The following RANBP2 variants were observed in gnomAD, a reference collection of about 807,000 sequenced individuals.
RANBP2 encodes RAN binding protein 2.
Under a neutral mutation model 303.6 loss-of-function variants are expected in RANBP2, and 57 were observed. The observed-to-expected ratio is 0.19, with a 90% CI of 0.15 to 0.23. The LOEUF (loss-of-function observed/expected upper bound fraction) is 0.23, where lower values mean the gene tolerates loss of function less well. RANBP2 is among the 10% of genes least tolerant of loss of function. The probability of loss-of-function intolerance (pLI) is 1.00; values close to 1 mark genes in which losing one functional copy is unlikely to be tolerated. For missense variants in RANBP2, 3,138 were observed against 3,780.8 expected (o/e 0.83, Z 4.46); for synonymous variants, 1,167 against 1,301.5 (o/e 0.90, Z 2.23).
At chr2:109,295,375 G>T in the RANBP2 span, among the ~76,000 whole-genome samples, 2 of 152,372 alleles carry the variant, frequency 1.3e-5, no homozygotes, top group South Asian at 4.1e-4. Context: ...GCACCAGCCA[G>T]GCTGTAACCC....
chr2:109,324,998 G>C, the RANBP2 span, among the ~76,000 whole-genome samples: 1 of 152,116 alleles, frequency 6.6e-6, no homozygotes, highest in African/African-American at 2.4e-5. Flanking sequence ...AGTTTGTTCT[G>C]GGAGAGGCCT....
the RANBP2 span, among the ~76,000 whole-genome samples, chr2:109,169,971 G>C: frequency 1.6e-4 from 24 of 152,100 alleles, 1 homozygote; most frequent in Admixed American, 8.5e-4. Flanking sequence ...TGTTTTACTT[G>C]ATAACAAAAG....
the RANBP2 span, among the ~76,000 whole-genome samples, chr2:109,570,774 G>A: frequency 6.6e-6 from 1 of 152,068 alleles, no homozygotes; most frequent in Non-Finnish European, 1.5e-5. Flanking sequence ...CACCTGCCTT[G>A]GCCTCTGAAA....
the RANBP2 span, among the ~76,000 whole-genome samples, chr2:109,268,742 T>TA: frequency 0.37 from 55,212 of 149,994 alleles, 10,111 homozygotes; most frequent in South Asian, 0.45. Context: ...TACTTTATTA[T>TA]AAAAAAAAAA....
the RANBP2 span, among the ~76,000 whole-genome samples, chr2:109,506,406 G>A: frequency 2.6e-5 from 4 of 152,210 alleles, no homozygotes; most frequent in African/African-American, 7.2e-5. Context: ...CAACACACAG[G>A]TGGCCATGGC....
the RANBP2 span, among the ~76,000 whole-genome samples, chr2:109,435,402 G>A: frequency 2.6e-5 from 4 of 152,252 alleles, no homozygotes; most frequent in African/African-American, 9.6e-5. Flanking sequence ...GCAGTGATTG[G>A]AGGGTAGGCG....
chr2:109,379,554 T>A, the RANBP2 span, among the ~76,000 whole-genome samples: 1 of 152,186 alleles, frequency 6.6e-6, no homozygotes, highest in Admixed American at 6.5e-5. Flanking sequence ...GAAGGAAAAA[T>A]ACTCAGGGAT....
chr2:109,479,112 A>T, the RANBP2 span, among the ~76,000 whole-genome samples: 2 of 152,104 alleles, frequency 1.3e-5, no homozygotes, highest in Non-Finnish European at 2.9e-5. Flanking sequence ...CACACTTCTC[A>T]ACGTGGACAG....
At chr2:109,682,427 G>A in the RANBP2 span, among the ~76,000 whole-genome samples, 2 of 152,184 alleles carry the variant, frequency 1.3e-5, no homozygotes, top group African/African-American at 2.4e-5. Context: ...GGGCGGAAAA[G>A]GCTTTGGAAA....
At chr2:109,580,879 T>C in the RANBP2 span, among the ~76,000 whole-genome samples, 1 of 152,148 alleles carries the variant, frequency 6.6e-6, no homozygotes, top group South Asian at 2.1e-4. Flanking sequence ...GCACAGCGCC[T>C]GGCCATTCAC....
chr2:108,881,902 G>A, the RANBP2 span, among the ~76,000 whole-genome samples: 1 of 152,136 alleles, frequency 6.6e-6, no homozygotes, highest in Middle Eastern at 3.2e-3. Flanking sequence ...CCAGCACTTT[G>A]GGAAGCTGAG....
the RANBP2 span, among the ~76,000 whole-genome samples, chr2:109,464,952 C>T: frequency 6.6e-6 from 1 of 152,352 alleles, no homozygotes; most frequent in South Asian, 2.1e-4. Context: ...CCCTAAAAAT[C>T]CTCTGTGCTC....
chr2:108,738,034 A>G (rs1695756980), intron 6 of RANBP2, among the ~76,000 whole-genome samples: 1 of 140,750 alleles, frequency 7.1e-6, no homozygotes, highest in Non-Finnish European at 1.5e-5. Context: ...TAATTTTTGT[A>G]TTTTTAGTAG....
chr2:109,372,507 A>T, the RANBP2 span, among the ~76,000 whole-genome samples: 5 of 152,230 alleles, frequency 3.3e-5, no homozygotes, highest in Non-Finnish European at 7.3e-5. Flanking sequence ...TGTGCCAGAC[A>T]CTTGGAAGTA....
At chr2:109,407,788 T>C in the RANBP2 span, among the ~76,000 whole-genome samples, 7,455 of 152,222 alleles carry the variant, frequency 0.049, 334 homozygotes, top group African/African-American at 0.11. Context: ...CAAGAAAACT[T>C]TCTTCTACAA....
the RANBP2 span, among the ~76,000 whole-genome samples, chr2:109,453,959 C>A: frequency 6.6e-6 from 1 of 152,192 alleles, no homozygotes; most frequent in Non-Finnish European, 1.5e-5. Flanking sequence ...CCTGGGAGGG[C>A]CTCGTTGCCA....
chr2:108,879,373 A>G, the RANBP2 span, among the ~76,000 whole-genome samples: 2 of 152,248 alleles, frequency 1.3e-5, no homozygotes, highest in African/African-American at 4.8e-5. Flanking sequence ...TGAAATATTT[A>G]AAGTTATTTA....
the RANBP2 span, among the ~76,000 whole-genome samples, chr2:109,213,509 G>T: frequency 6.6e-6 from 1 of 152,164 alleles, no homozygotes; most frequent in Non-Finnish European, 1.5e-5. Flanking sequence ...GCCTGGAGAA[G>T]GGCATATCTG....
the RANBP2 span, among the ~76,000 whole-genome samples, chr2:109,647,344 A>G: frequency 3.3e-5 from 5 of 151,264 alleles, no homozygotes; most frequent in African/African-American, 9.7e-5. Flanking sequence ...TTGTATTTTT[A>G]GTAGAGACGG....
Sources: gnomAD v4.1 joint callset for allele counts (sites outside exome capture counted in the v4.1 genomes callset) on GRCh38, gnomAD v4.1.1 for gene constraint, MANE v1.5 for transcripts, NCBI Gene and HGNC (gene_info 2026-07-23, HGNC 2026-07-21) for gene names.